Variants in MMD observed in about 807,000 individuals in gnomAD.
MMD encodes the protein monocyte to macrophage differentiation associated.
A neutral mutation model predicts 33.6 loss-of-function variants in MMD; 22 were observed. The ratio of observed to expected loss-of-function variants is 0.66; its 90% CI spans 0.47 to 0.94. The LOEUF is 0.94. Ranked by LOEUF, MMD falls within the 40% of genes least tolerant of loss-of-function variation. MMD has a pLI of 0.00. For missense variants in MMD, 242 were observed against 309.8 expected (o/e 0.78, Z 1.64); for synonymous variants, 97 against 103.2 (o/e 0.94, Z 0.36).
intron 6 of MMD, among the ~76,000 whole-genome samples, chr17:55,398,896 C>T (rs1315722280): frequency 6.6e-6 from 1 of 152,200 alleles, no homozygotes; most frequent in Non-Finnish European, 1.5e-5. Context: ...CATTTATCTT[C>T]CAGCCTTCTA....
At chr17:55,407,862 C>A in intron 3 of MMD, 42 bp from the exon 4 acceptor site, 1 of 1,432,232 alleles carries the variant, frequency 7.0e-7, no homozygotes, top group South Asian at 1.3e-5. Flanking sequence ...AGAAAGTGTT[C>A]AGATGGGAAG....
At chr17:55,415,958 A>G (rs1219492818) in intron 1 of MMD, among the ~76,000 whole-genome samples, 1 of 152,226 alleles carries the variant, frequency 6.6e-6, no homozygotes, top group Non-Finnish European at 1.5e-5. Context: ...ATTTCCTAAG[A>G]GACAAGAGTG....
At chr17:55,397,076 C>A (rs1355431782) in intron 6 of MMD, among the ~76,000 whole-genome samples, 2 of 152,178 alleles carry the variant, frequency 1.3e-5, no homozygotes, top group African/African-American at 2.4e-5. Flanking sequence ...ATGTTAGAAA[C>A]CCCCATGTTA....
intron 6 of MMD, among the ~76,000 whole-genome samples, chr17:55,397,381 G>A (rs2100194497): frequency 1.3e-5 from 2 of 151,978 alleles, no homozygotes; most frequent in East Asian, 3.9e-4. Context: ...GGCTGGTCTC[G>A]AACTCCTGAC....
At chr17:55,410,310 A>G (rs570464024) in intron 3 of MMD, among the ~76,000 whole-genome samples, 1 of 152,362 alleles carries the variant, frequency 6.6e-6, no homozygotes, top group East Asian at 1.9e-4. Flanking sequence ...TATATTTTAA[A>G]TATCAGATTG....
At chr17:55,409,309 GGAA>G (rs1243185713) in intron 3 of MMD, among the ~76,000 whole-genome samples, 1 of 152,166 alleles carries the variant, frequency 6.6e-6, no homozygotes, top group African/African-American at 2.4e-5. Flanking sequence ...AGAGGGTGGA[GGAA>G]GGAGAATAAG....
intron 4 of MMD, among the ~76,000 whole-genome samples, chr17:55,405,601 G>A (rs1907513858): frequency 6.6e-6 from 1 of 151,920 alleles, no homozygotes; most frequent in African/African-American, 2.4e-5. Context: ...ACTAAGTAAG[G>A]AATCCTGTTT....
intron 5 of MMD, among the ~76,000 whole-genome samples, chr17:55,403,018 C>T (rs1907405550): frequency 6.6e-6 from 1 of 152,136 alleles, no homozygotes. Flanking sequence ...ACAAAGATTT[C>T]CTGGTTGTGT....
intron 1 of MMD, among the ~76,000 whole-genome samples, chr17:55,417,045 A>G (rs9911542): frequency 0.012 from 1,891 of 152,152 alleles, 23 homozygotes; most frequent in African/African-American, 0.041. Flanking sequence ...CCATGGAGGG[A>G]AAGAACAGAT....
At chr17:55,408,744 T>C (rs963898235) in intron 3 of MMD, among the ~76,000 whole-genome samples, 3 of 152,226 alleles carry the variant, frequency 2.0e-5, no homozygotes, top group Non-Finnish European at 4.4e-5. Context: ...CTCACAGCAA[T>C]AATCACAGCA....
rs796396816 is a variant in MMD at position 55,411,562 on chromosome 17, G to A, written c.109-145C>T. 61 of 1,065,566 alleles carry A rather than the reference G, an allele frequency of 5.7e-5. No homozygotes were observed. The African/African-American group carries it at 8.7e-4, about 15-fold the overall frequency. The allele number at this position is 1,065,566 out of a possible 1,614,324, so 66.0% of individuals were successfully genotyped here. A position where few individuals can be genotyped will look rare whatever the true frequency, so the allele number is the denominator to read the frequency against. On this transcript the variant is annotated intron_variant, in intron 2 of 6. Transcript: ENST00000262065. ...TTTGTCTCTCCTGGATAATCATAAC[G>A]AGAGCCAGATGAAGTTAGCTGCTAC...
intron 1 of MMD, among the ~76,000 whole-genome samples, chr17:55,416,155 T>G (rs1907961048): frequency 1.3e-5 from 2 of 152,204 alleles, no homozygotes; most frequent in South Asian, 4.1e-4. Context: ...TGGCTGTAGT[T>G]AGATGAAATT....
At chr17:55,412,810 C>T (rs1021418330) in intron 2 of MMD, among the ~76,000 whole-genome samples, 1 of 152,080 alleles carries the variant, frequency 6.6e-6, no homozygotes, top group African/African-American at 2.4e-5. Context: ...GATTTAAGTA[C>T]ATTTAAGTAC....
chr17:55,403,445 T>C (rs1055449716), intron 5 of MMD, among the ~76,000 whole-genome samples: 8 of 152,198 alleles, frequency 5.3e-5, no homozygotes, highest in Non-Finnish European at 1.2e-4. Context: ...AGTGGCTGGT[T>C]TTCTCACGTG....
chr17:55,396,193 ATT>A (rs951039766), intron 6 of MMD, among the ~76,000 whole-genome samples: 1 of 151,848 alleles, frequency 6.6e-6, no homozygotes, highest in Non-Finnish European at 1.5e-5. Context: ...TCAAAACAGA[ATT>A]TTTTTTTCAT....
In MMD at chr17:55,394,037, G is replaced by A; in HGVS notation, c.*297C>T. 4.9e-6 allele frequency: 1 copy of A among 203,766 alleles called. No individual in the cohort carries two copies. Among genetic ancestry groups the A allele is most frequent in the Non-Finnish European group, 9.7e-6 (1 of 102,606 alleles). 12.6% of individuals were successfully genotyped at this position (203,766 alleles called of 1,614,324 possible). On this transcript the variant is annotated 3_prime_UTR_variant, in exon 7 of 7. Coordinates refer to ENST00000262065, the MANE Select transcript of MMD (RefSeq NM_012329.3). Reference sequence around the variant, plus strand: ...CATAGTAATTTAGAAAAATCATGTAGTAAAATCTGTAAAATTAAAATATAA... The same window carrying A: ...CATAGTAATTTAGAAAAATCATGTAATAAAATCTGTAAAATTAAAATATAA...
intron 4 of MMD, chr17:55,404,353 T>TAAA: frequency 3.5e-6 from 2 of 568,644 alleles, no homozygotes; most frequent in Non-Finnish European, 2.2e-6. Context: ...AGACTCCACC[T>TAAA]AAAAAAAAAA....
At chr17:55,398,068 A>G (rs1598428924) in intron 6 of MMD, among the ~76,000 whole-genome samples, 1 of 146,744 alleles carries the variant, frequency 6.8e-6, no homozygotes, top group Non-Finnish European at 1.5e-5. Context: ...CTCTAGGTTG[A>G]TATTTTTCAT....
chr17:55,408,402 T>C (rs1471220645), intron 3 of MMD, among the ~76,000 whole-genome samples: 2 of 152,146 alleles, frequency 1.3e-5, no homozygotes, highest in Non-Finnish European at 2.9e-5. Flanking sequence ...AAATGGCACA[T>C]TTACTACAAA....
Sources: gnomAD v4.1 joint callset for allele counts (sites outside exome capture counted in the v4.1 genomes callset) on GRCh38, gnomAD v4.1.1 for gene constraint, MANE v1.5 for transcripts, NCBI Gene and HGNC (gene_info 2026-07-23, HGNC 2026-07-21) for gene names.